The following TMTC2 variants were observed in gnomAD, a reference collection of about 807,000 sequenced individuals.
TMTC2 encodes the protein transmembrane O-mannosyltransferase targeting cadherins 2.
A neutral mutation model predicts 82.4 loss-of-function variants in TMTC2; 43 were observed. The observed-to-expected ratio is 0.52, with a 90% CI of 0.41 to 0.67. TMTC2 has a LOEUF of 0.67. Among genes scored for constraint, TMTC2 ranks in the 30% least tolerant of loss-of-function variants. The pLI, the probability that TMTC2 is intolerant of heterozygous loss-of-function variation, is 0.00. For missense variants in TMTC2, 919 were observed against 1,012.4 expected (o/e 0.91, Z 1.25); for synonymous variants, 408 against 381.9 (o/e 1.07, Z -0.80).
intron 1 of TMTC2, among the ~76,000 whole-genome samples, chr12:82,746,732 T>C (rs1426055772): frequency 6.6e-6 from 1 of 152,124 alleles, no homozygotes; most frequent in Non-Finnish European, 1.5e-5. Flanking sequence ...AAGCAAACCA[T>C]TCAGAGAGTT....
At chr12:82,723,824 A>C (rs944995319) in intron 1 of TMTC2, among the ~76,000 whole-genome samples, 1 of 152,174 alleles carries the variant, frequency 6.6e-6, no homozygotes, top group Non-Finnish European at 1.5e-5. Flanking sequence ...CTGAAAACAC[A>C]CCTAGCCTAC....
rs928990667 is a variant in TMTC2 at position 82,963,462 on chromosome 12, A to AT, written c.1599-1552dup. Among the ~76,000 whole-genome samples the AT allele has an allele frequency of 8.0e-3, 1,196 of 149,344 alleles. 13 individuals are homozygous for AT. The highest frequency in any genetic ancestry group is 0.028 in the African/African-American group (1,144 of 40,804). On this transcript the variant is annotated intron_variant, in intron 4 of 11. Transcript: ENST00000321196. ...AAGGGAGATGCACCTCTTTATCTGA[A>AT]TTTTTTTTTTCTTTATCTGAATTTT... is the stretch of plus-strand genomic sequence containing the variant.
At chr12:82,948,787 G>A (rs890438231) in intron 4 of TMTC2, among the ~76,000 whole-genome samples, 3 of 152,184 alleles carry the variant, frequency 2.0e-5, no homozygotes, top group African/African-American at 7.2e-5. Context: ...GAATCTTGCC[G>A]TGAAGCTTTT....
chr12:82,750,517 A>T (rs1346631030), intron 1 of TMTC2, among the ~76,000 whole-genome samples: 2 of 152,144 alleles, frequency 1.3e-5, no homozygotes, highest in African/African-American at 4.8e-5. Context: ...CAAGTTGATT[A>T]TTTTATGATA....
chr12:82,716,795 CT>C (rs1873925614), intron 1 of TMTC2, among the ~76,000 whole-genome samples: 1 of 152,128 alleles, frequency 6.6e-6, no homozygotes, highest in Non-Finnish European at 1.5e-5. Context: ...ACATCATTCA[CT>C]AATAGAAAAT....
intron 1 of TMTC2, among the ~76,000 whole-genome samples, chr12:82,781,399 CT>C (rs71068954): frequency 4.7e-4 from 57 of 121,184 alleles, no homozygotes; most frequent in East Asian, 8.1e-4. Context: ...GGAGTTTGCT[CT>C]TTTTTTTTTT....
chr12:83,031,634 T>A (rs2137423968), intron 9 of TMTC2, among the ~76,000 whole-genome samples: 1 of 152,346 alleles, frequency 6.6e-6, no homozygotes, highest in East Asian at 1.9e-4. Context: ...ACTGTTGGCT[T>A]TGATGTATTA....
chr12:82,825,531 G>A (rs1302616291), intron 1 of TMTC2, among the ~76,000 whole-genome samples: 7 of 152,036 alleles, frequency 4.6e-5, no homozygotes, highest in East Asian at 3.9e-4. Flanking sequence ...TGCTTTTCAC[G>A]TATTTTATAG....
rs188156620 is a variant in TMTC2, at chr12:82,859,268, A to G, written c.654+1688A>G. Among the ~76,000 whole-genome samples the G allele has an allele frequency of 5.2e-3, 791 of 152,128 alleles. 7 individuals are homozygous for G. Among genetic ancestry groups the G allele is most frequent in the Admixed American group, 9.8e-3 (150 of 15,286 alleles). ...TTTTTAGTAGAGATGGGGTTTCACC[A>G]TATTGGCCAGGATGGTCTCGATCTC... On this transcript the variant is annotated intron_variant, in intron 2 of 11. Transcript: ENST00000321196.
intron 2 of TMTC2, among the ~76,000 whole-genome samples, chr12:82,883,850 A>G (rs566171713): frequency 2.0e-5 from 3 of 152,246 alleles, no homozygotes; most frequent in African/African-American, 7.2e-5. Context: ...GTGTTTTCAT[A>G]GTCAAGAGAA....
intron 1 of TMTC2, among the ~76,000 whole-genome samples, chr12:82,794,556 G>C (rs1206598969): frequency 6.6e-6 from 1 of 152,018 alleles, no homozygotes; most frequent in East Asian, 1.9e-4. Flanking sequence ...GTTCTATTTT[G>C]TGTTAGGTCA....
At chr12:82,769,964 C>G (rs928237857) in intron 1 of TMTC2, among the ~76,000 whole-genome samples, 1 of 152,106 alleles carries the variant, frequency 6.6e-6, no homozygotes, top group African/African-American at 2.4e-5. Flanking sequence ...ATATAGTTCT[C>G]TCATCCCTGA....
intron 8 of TMTC2, among the ~76,000 whole-genome samples, chr12:83,009,988 G>A (rs1880382516): frequency 6.6e-6 from 1 of 152,172 alleles, no homozygotes; most frequent in African/African-American, 2.4e-5. Flanking sequence ...TGGAGCTCAA[G>A]TAGTAATGTG....
intron 1 of TMTC2, among the ~76,000 whole-genome samples, chr12:82,705,294 C>T (rs887809011): frequency 5.3e-5 from 8 of 152,094 alleles, no homozygotes; most frequent in East Asian, 1.9e-4. Context: ...AGAACTTACT[C>T]GTAACCAAAG....
intron 1 of TMTC2, among the ~76,000 whole-genome samples, chr12:82,852,966 A>G (rs1592575235): frequency 6.6e-6 from 1 of 152,162 alleles, no homozygotes; most frequent in African/African-American, 2.4e-5. Flanking sequence ...CACATTGGAG[A>G]ATTTTATCAT....
chr12:82,975,552 T>C (rs1032122), intron 7 of TMTC2, among the ~76,000 whole-genome samples: 111,064 of 152,100 alleles, frequency 0.73, 42,249 homozygotes, highest in South Asian at 0.88. Context: ...AGAATCTTAT[T>C]CTCAAGTATT....
chr12:83,038,399 A>G (rs926623627), intron 9 of TMTC2, among the ~76,000 whole-genome samples: 1 of 152,178 alleles, frequency 6.6e-6, no homozygotes, highest in African/African-American at 2.4e-5. Flanking sequence ...GCTCTAACAC[A>G]TATTCTCAAT....
Position 82,858,489 on chromosome 12 carries a change from A to C in TMTC2, c.654+909A>C, listed in dbSNP as rs534529253. ...CCTATCTTTTGGATACAAGTGAGGA[A>C]TTAAGGTTTTGGATACTTTGCTATG... On this transcript the variant is annotated intron_variant, in intron 2 of 11. Coordinates refer to ENST00000321196, the MANE Select transcript of TMTC2 (RefSeq NM_152588.3). Among the ~76,000 whole-genome samples, 4 of 152,356 alleles carry C rather than the reference A, an allele frequency of 2.6e-5. No individual in the cohort carries two copies. The South Asian group carries it at 8.3e-4, about 32-fold the overall frequency.
At chr12:82,798,204 C>G (rs535696852) in intron 1 of TMTC2, among the ~76,000 whole-genome samples, 1 of 150,290 alleles carries the variant, frequency 6.7e-6, no homozygotes, top group Non-Finnish European at 1.5e-5. Context: ...ATCCACCTGC[C>G]TCAGCCTCCC....
Sources: gnomAD v4.1 joint callset for allele counts (sites outside exome capture counted in the v4.1 genomes callset) on GRCh38, gnomAD v4.1.1 for gene constraint, MANE v1.5 for transcripts, NCBI Gene and HGNC (gene_info 2026-07-23, HGNC 2026-07-21) for gene names.